The following MICAL3 variants were observed in gnomAD, a reference collection of about 807,000 sequenced individuals.
MICAL3 encodes the protein microtubule associated monooxygenase, calponin and LIM domain containing 3, also known as [F-actin]-monooxygenase MICAL3.
Under a neutral mutation model 207.4 loss-of-function variants are expected in MICAL3, and 62 were observed. The observed-to-expected ratio is 0.30, with a 90% CI of 0.24 to 0.37. The LOEUF is 0.37. Among genes scored for constraint, MICAL3 ranks in the 10% least tolerant of loss-of-function variants. The pLI is 1.00. For missense variants in MICAL3, 2,368 were observed against 2,635.6 expected (o/e 0.90, Z 2.22); for synonymous variants, 1,077 against 1,069.3 (o/e 1.01, Z -0.14).
intron 1 of MICAL3, among the ~76,000 whole-genome samples, chr22:17,977,536 T>TAAAA (rs34483330): frequency 7.3e-6 from 1 of 137,760 alleles, no homozygotes; most frequent in Non-Finnish European, 1.6e-5. Context: ...AAGACTATAA[T>TAAAA]AAAAAAAAAA....
intron 1 of MICAL3, among the ~76,000 whole-genome samples, chr22:17,953,474 G>A (rs1279534168): frequency 6.6e-6 from 1 of 152,052 alleles, no homozygotes; most frequent in Non-Finnish European, 1.5e-5. Flanking sequence ...TCATGTTAAG[G>A]CCTGGGGGAA....
At chr22:17,801,400 G>A (rs1334648595) in intron 29 of MICAL3, among the ~76,000 whole-genome samples, 2 of 49,832 alleles carry the variant, frequency 4.0e-5, no homozygotes, top group African/African-American at 6.0e-4. Flanking sequence ...TGATCCGCCC[G>A]CCTCGGCCTC....
intron 1 of MICAL3, among the ~76,000 whole-genome samples, chr22:17,940,484 T>G (rs1933756542): frequency 1.3e-5 from 2 of 152,050 alleles, no homozygotes; most frequent in South Asian, 4.2e-4. Flanking sequence ...GTTAAACCCA[T>G]ACATCACAAC....
At chr22:17,843,253 T>C (rs1345047084) in intron 19 of MICAL3, among the ~76,000 whole-genome samples, 2 of 152,228 alleles carry the variant, frequency 1.3e-5, no homozygotes, top group Non-Finnish European at 2.9e-5. Context: ...AAATGTGTTT[T>C]ACAACTGTGC....
chr22:17,961,342 G>C (rs573217008), intron 1 of MICAL3, among the ~76,000 whole-genome samples: 21 of 152,284 alleles, frequency 1.4e-4, no homozygotes, highest in African/African-American at 4.3e-4. Flanking sequence ...TTCCCGCTGG[G>C]TCCTACTAGA....
rs1384512216 is a variant in MICAL3, at chr22:17,843,954, C to T, written c.2606-1937G>A. On this transcript the variant is annotated intron_variant, in intron 19 of 31. Coordinates refer to ENST00000441493, the MANE Select transcript of MICAL3 (RefSeq NM_015241.3). ...CTCCGCCTCCCAGGTTCACGCCATTCTCCTGCCTCAGCCTCCCGAGTAGCT... is the reference window on the plus strand; with the variant it reads ...CTCCGCCTCCCAGGTTCACGCCATTTTCCTGCCTCAGCCTCCCGAGTAGCT... 3.9e-5 allele frequency among the ~76,000 whole-genome samples: 6 copies of T among 152,312 alleles called. No individual in the cohort carries two copies. In the South Asian group the frequency reaches 1.0e-3, roughly 26 times the overall value.
intron 1 of MICAL3, among the ~76,000 whole-genome samples, chr22:18,017,617 A>T (rs1293423017): frequency 6.7e-6 from 1 of 149,342 alleles, no homozygotes; most frequent in Non-Finnish European, 1.5e-5. Flanking sequence ...ACAGAGTGTC[A>T]CTCTGTCACC....
At position 17,896,973 on chromosome 22, in the gene MICAL3, G is replaced by C. The variant is rs768280581; in HGVS notation, c.957C>G (p.Ala319=). 3.7e-6 allele frequency: 6 copies of C among 1,611,712 alleles called. No individual in the cohort carries two copies. The highest frequency in any genetic ancestry group is 5.1e-6 in the Non-Finnish European group (6 of 1,178,854). Residue 319 remains alanine (A), a synonymous_variant, in exon 8 of 32, where the codon GCC becomes GCG. Coordinates refer to ENST00000441493, the MANE Select transcript of MICAL3 (RefSeq NM_015241.3). ...LDKGVILHDY[A]DTELLLSREN... ...CTCGGGAAAGCAGGAGCTCTGTGTCGGCGTAGTCCTGTCTCCAGAGAAAGA... is the reference window on the plus strand; with the variant it reads ...CTCGGGAAAGCAGGAGCTCTGTGTCCGCGTAGTCCTGTCTCCAGAGAAAGA...
At chr22:17,932,954 C>T (rs1234575860) in intron 1 of MICAL3, among the ~76,000 whole-genome samples, 3 of 152,150 alleles carry the variant, frequency 2.0e-5, no homozygotes, top group African/African-American at 7.2e-5. Context: ...AATACAGGAG[C>T]ACCCAGATTC....
At chr22:17,827,934 T>TACACACACACACAC (rs60820224) in intron 21 of MICAL3, among the ~76,000 whole-genome samples, 153 bp from the exon 22 acceptor site, 132 of 150,924 alleles carry the variant, frequency 8.7e-4, no homozygotes, top group African/African-American at 3.2e-3. Context: ...TGCACATGTA[T>TACACACACACACAC]ACACACACAC....
chr22:17,885,321 G>A (rs1254228777), intron 16 of MICAL3, among the ~76,000 whole-genome samples: 2 of 152,208 alleles, frequency 1.3e-5, no homozygotes, highest in Non-Finnish European at 2.9e-5. Flanking sequence ...ACAGCTAAGA[G>A]AAGCCTGATG....
chr22:17,822,175 C>T lies in MICAL3; in HGVS notation c.3308-5G>A. On this transcript the variant is annotated splice_region_variant and splice_polypyrimidine_tract_variant and intron_variant, in intron 23 of 31. Coordinates refer to ENST00000441493, the MANE Select transcript of MICAL3 (RefSeq NM_015241.3). ...GGCTGTCAGACCAGTGCTGATCTGG[C>T]AGAGGGAAGGGGCAGAAGTGGGTGC... The T allele has an allele frequency of 6.2e-7, 1 of 1,612,846 alleles. No individual in the cohort carries two copies. Among genetic ancestry groups the T allele is most frequent in the Non-Finnish European group, 8.5e-7 (1 of 1,179,520 alleles).
At chr22:17,971,959 G>C (rs566649976) in intron 1 of MICAL3, among the ~76,000 whole-genome samples, 1 of 152,348 alleles carries the variant, frequency 6.6e-6, no homozygotes, top group Admixed American at 6.5e-5. Context: ...GAGAGGAAGA[G>C]GAGGATGGCA....
At chr22:17,867,011 GCTTTCCT>G (rs1440703394) in intron 17 of MICAL3, among the ~76,000 whole-genome samples, 1 of 152,140 alleles carries the variant, frequency 6.6e-6, no homozygotes, top group Non-Finnish European at 1.5e-5. Flanking sequence ...AGACAAATGA[GCTTTCCT>G]GATCTCAAAG....
chr22:17,887,860 T>C (rs1262615057), intron 13 of MICAL3, among the ~76,000 whole-genome samples: 1 of 152,170 alleles, frequency 6.6e-6, no homozygotes, highest in Non-Finnish European at 1.5e-5. Flanking sequence ...TGTATGCAGA[T>C]GCCACACTCT....
intron 16 of MICAL3, chr22:17,872,774 G>C: frequency 6.2e-7 from 1 of 1,613,292 alleles, no homozygotes; most frequent in Non-Finnish European, 8.5e-7. Context: ...GAAGGGCTTT[G>C]GGTTGTTCTT....
At chr22:17,971,313 A>C (rs1449463763) in intron 1 of MICAL3, among the ~76,000 whole-genome samples, 1 of 152,038 alleles carries the variant, frequency 6.6e-6, no homozygotes, top group Admixed American at 6.5e-5. Flanking sequence ...ACTAAAATAC[A>C]AAAAATTAGC....
intron 12 of MICAL3, among the ~76,000 whole-genome samples, chr22:17,890,367 C>A (rs192146943): frequency 6.6e-6 from 1 of 152,250 alleles, no homozygotes; most frequent in East Asian, 1.9e-4. Context: ...TGCTAGGCTC[C>A]CTCAACCACT....
intron 16 of MICAL3, among the ~76,000 whole-genome samples, chr22:17,877,337 G>A (rs1396018423): frequency 9.4e-5 from 10 of 106,408 alleles, no homozygotes; most frequent in South Asian, 2.8e-4. Context: ...AGGTTATGGA[G>A]GTTAGGGAGG....
Sources: allele counts gnomAD v4.1 joint callset (sites outside exome capture counted in the v4.1 genomes callset), GRCh38; gene constraint gnomAD v4.1.1; transcripts MANE v1.5; gene names NCBI Gene and HGNC (gene_info 2026-07-23, HGNC 2026-07-21).